Variants in NEDD9 observed in about 807,000 individuals in gnomAD.
NEDD9 encodes the protein neural precursor cell expressed, developmentally down-regulated 9.
NEDD9 carries 26 observed loss-of-function variants against 76.6 expected under a neutral mutation model. The ratio of observed to expected loss-of-function variants is 0.34; its 90% CI spans 0.25 to 0.47. The LOEUF (loss-of-function observed/expected upper bound fraction) is 0.47. Among genes scored for constraint, NEDD9 ranks in the 20% least tolerant of loss-of-function variants. The pLI is 1.00. For synonymous variants in NEDD9, 392 were observed against 414.2 expected (o/e 0.95, Z 0.65); for missense variants, 937 against 1,058.5 (o/e 0.89, Z 1.59).
At chr6:11,275,487 A>T (rs1352362631) in intron 3 of NEDD9, among the ~76,000 whole-genome samples, 1 of 152,196 alleles carries the variant, frequency 6.6e-6, no homozygotes, top group Non-Finnish European at 1.5e-5. Context: ...CATTCAAAAG[A>T]TCATGCTGTA....
At position 11,294,068 on chromosome 6, in the gene NEDD9, T is replaced by C. The variant is rs1029261033; in HGVS notation, c.12+11924A>G. 4.6e-5 allele frequency among the ~76,000 whole-genome samples: 7 copies of C among 152,134 alleles called. No individual in the cohort carries two copies. In the South Asian group the frequency reaches 1.0e-3, roughly 22 times the overall value. ...GTATCACATTTTCTTTATCTGCTCA[T>C]GTATTAGTAGAATCAACACTTAGGT... On this transcript the variant is annotated intron_variant, in intron 3 of 3. Transcript: ENST00000397378.
At chr6:11,340,412 G>C (rs1236108187) in intron 1 of NEDD9, among the ~76,000 whole-genome samples, 2 of 151,986 alleles carry the variant, frequency 1.3e-5, no homozygotes, top group African/African-American at 4.8e-5. Flanking sequence ...TATGCACCAG[G>C]TATAATTTAG....
chr6:11,319,751 AAC>A (rs1300767918), intron 2 of NEDD9, among the ~76,000 whole-genome samples: 4 of 73,716 alleles, frequency 5.4e-5, no homozygotes, highest in East Asian at 1.3e-3. Context: ...CACACACACT[AAC>A]ATGCACACTA....
chr6:11,213,624 C>A lies in NEDD9; in HGVS notation c.116G>T (p.Gly39Val), dbSNP rs201437141. 1.5e-5 allele frequency: 24 copies of A among 1,614,138 alleles called. No individual in the cohort carries two copies. The African/African-American group carries it at 2.9e-4, about 20-fold the overall frequency. Residue 39 changes from glycine (G) to valine (V), a missense_variant, in exon 2 of 7, where the codon GGA becomes GTA. Physicochemically the swap from Gly to Val is moderately radical, Grantham distance 109. Transcript: ENST00000379446. This position sits in a 1 kb window ranked among gnomAD's most constrained non-coding sequence, Gnocchi z 5.4. ...TGAGCACAGCCACCATCCTTCCAGT[C>A]CCCCTGTGTTCTGCTCTATGACGGT... ...ILTVIEQNTG[G>V]LEGWWLCSLH...
At chr6:11,351,856 G>A (rs536765678) in intron 1 of NEDD9, among the ~76,000 whole-genome samples, 1 of 152,302 alleles carries the variant, frequency 6.6e-6, no homozygotes, top group East Asian at 1.9e-4. Context: ...TCATTATAGG[G>A]GCCTCAGCCA....
intron 3 of NEDD9, among the ~76,000 whole-genome samples, chr6:11,259,714 G>T (rs1426202729): frequency 6.6e-6 from 1 of 152,094 alleles, no homozygotes; most frequent in East Asian, 1.9e-4. Flanking sequence ...GAAACAAATT[G>T]TATCTTTAGG....
At chr6:11,314,907 C>G (rs187500765) in intron 2 of NEDD9, among the ~76,000 whole-genome samples, 1 of 152,282 alleles carries the variant, frequency 6.6e-6, no homozygotes, top group East Asian at 1.9e-4. Context: ...TAGGTTATAA[C>G]CTGGATATAT....
At chr6:11,220,993 A>G in intron 1 of NEDD9, among the ~76,000 whole-genome samples, 1 of 152,180 alleles carries the variant, frequency 6.6e-6, no homozygotes, top group Non-Finnish European at 1.5e-5. Context: ...AACTTCTATT[A>G]TTTCCTGGCC....
upstream of NEDD9, chr6:11,232,766 C>T: frequency 4.6e-6 from 6 of 1,308,940 alleles, no homozygotes; most frequent in Non-Finnish European, 6.0e-6. Context: ...AGGCCCTGCC[C>T]ACCCCTAATT....
intron 2 of NEDD9, among the ~76,000 whole-genome samples, chr6:11,307,325 G>A (rs561568092): frequency 2.0e-4 from 31 of 152,258 alleles, no homozygotes; most frequent in African/African-American, 7.2e-4. Context: ...AGTATTTATA[G>A]TCTTGGCTAA....
intron 2 of NEDD9, chr6:11,200,836 G>C: frequency 1.3e-6 from 2 of 1,524,158 alleles, no homozygotes; most frequent in Non-Finnish European, 1.8e-6. Flanking sequence ...AGCAGCTCAA[G>C]ACACGCCAAT....
intron 3 of NEDD9, among the ~76,000 whole-genome samples, chr6:11,275,565 C>CACACACACACACACACATAT (rs551632582): frequency 3.3e-5 from 5 of 150,184 alleles, no homozygotes; most frequent in African/African-American, 1.2e-4. Flanking sequence ...CACACACACA[C>CACACACACACACACACATAT]ATATATATAT....
chr6:11,319,865 T>C (rs942047003), intron 2 of NEDD9, among the ~76,000 whole-genome samples: 7 of 151,824 alleles, frequency 4.6e-5, no homozygotes, highest in Non-Finnish European at 1.0e-4. Flanking sequence ...CACACACTCA[T>C]ACACACTAAC....
rs371746541 is a variant in NEDD9 at position 11,190,779 on chromosome 6, C to T, written c.1090G>A (p.Gly364Arg). The T allele has an allele frequency of 8.1e-6, 13 of 1,614,074 alleles. No homozygotes were observed. The highest frequency in any genetic ancestry group is 5.0e-5 in the Admixed American group (3 of 60,004). The change falls in exon 5 of 7, where the codon GGG becomes AGG. Residue 364 changes from glycine to arginine, a missense_variant. Transcript: ENST00000379446. This position sits in a 1 kb window ranked among gnomAD's most constrained non-coding sequence, Gnocchi z 5.8. Reference sequence around the variant, plus strand: ...CTGGAGAAAGACAATCGGTTGATCCCATCCACCAAGTCCCGAGAGCCTTTA... The same window carrying T: ...CTGGAGAAAGACAATCGGTTGATCCTATCCACCAAGTCCCGAGAGCCTTTA... Reference protein sequence around the residue: ...DAKGSRDLVDGINRLSFSSTG... With the variant: ...DAKGSRDLVDRINRLSFSSTG...
chr6:11,188,946 G>GGT (rs779422126), intron 5 of NEDD9, among the ~76,000 whole-genome samples: 1 of 101,778 alleles, frequency 9.8e-6, no homozygotes, highest in Non-Finnish European at 1.9e-5. Context: ...GATCTTGGTA[G>GGT]ATTTTTTTTT....
intron 1 of NEDD9, among the ~76,000 whole-genome samples, chr6:11,345,390 A>G (rs1241003135): frequency 6.6e-6 from 1 of 152,166 alleles, no homozygotes; most frequent in Non-Finnish European, 1.5e-5. Flanking sequence ...AGTTACTTGT[A>G]CATGGAGCTG....
chr6:11,338,981 A>AT (rs931032444), intron 1 of NEDD9, among the ~76,000 whole-genome samples: 6 of 151,486 alleles, frequency 4.0e-5, no homozygotes, highest in East Asian at 1.9e-4. Flanking sequence ...TTCTTTTTTA[A>AT]TTTTTTCAAC....
chr6:11,251,848 G>A (rs1759921133), intron 3 of NEDD9: 1 of 152,250 alleles, frequency 6.6e-6, no homozygotes, highest in Non-Finnish European at 1.5e-5. Flanking sequence ...CAGAGCCTTT[G>A]ACTAATTTCT....
intron 1 of NEDD9, among the ~76,000 whole-genome samples, chr6:11,364,592 G>A (rs149924602): frequency 2.0e-5 from 3 of 152,264 alleles, no homozygotes; most frequent in Admixed American, 6.5e-5. Flanking sequence ...TGACTCCACA[G>A]CTTTTGCTTG....
Sources: gnomAD v4.1 joint callset for allele counts (sites outside exome capture counted in the v4.1 genomes callset) on GRCh38, gnomAD v4.1.1 for gene constraint, Gnocchi (gnomAD v3.1) non-coding constraint, MANE v1.5 for transcripts, NCBI Gene and HGNC (gene_info 2026-07-23, HGNC 2026-07-21) for gene names.